Variants in GLG1 observed in about 807,000 individuals in gnomAD.
GLG1 encodes Golgi apparatus protein 1.
Under a neutral mutation model 160.5 loss-of-function variants are expected in GLG1, and 38 were observed. The observed-to-expected ratio is 0.24, with a 90% CI of 0.18 to 0.31. The LOEUF (loss-of-function observed/expected upper bound fraction) is 0.31. GLG1 is among the 10% of genes least tolerant of loss of function. GLG1 has a pLI of 1.00. For synonymous variants in GLG1, 644 were observed against 543.4 expected, an observed-to-expected ratio of 1.19 and a Z score of -2.57; for missense variants, 1,373 against 1,505.2, an observed-to-expected ratio of 0.91 and a Z score of 1.45.
Position 74,483,062 on chromosome 16 carries a change from C to T in GLG1, c.1634G>A (p.Arg545His), listed in dbSNP as rs1188189376. ...TEKMVEDCEHRLLELQYFISR... is the reference protein window; with the variant it reads ...TEKMVEDCEHHLLELQYFISR... ...GATGAAATACTGCAGCTCTAAGAGA[C>T]GGTGTTCACAGTCTTCTACCATCTT... is the stretch of plus-strand genomic sequence containing the variant. Residue 545 changes from arginine to histidine, a missense_variant, in exon 10 of 26, where the codon CGT becomes CAT. Physicochemically the swap from Arg to His is conservative, Grantham distance 29 (BLOSUM62 0). Coordinates refer to ENST00000422840, the MANE Select transcript of GLG1 (RefSeq NM_001145667.2). 3.1e-6 allele frequency: 5 copies of T among 1,609,898 alleles called. No homozygotes were observed. The South Asian group carries it at 3.3e-5, about 11-fold the overall frequency.
At chr16:74,591,715 G>C (rs1165428094) in intron 1 of GLG1, among the ~76,000 whole-genome samples, 1 of 152,112 alleles carries the variant, frequency 6.6e-6, no homozygotes, top group South Asian at 2.1e-4. Context: ...TAGTATCACA[G>C]ACTGTTTCAC....
intron 25 of GLG1, among the ~76,000 whole-genome samples, chr16:74,456,167 TG>T (rs2014529749): frequency 1.3e-5 from 2 of 152,198 alleles, no homozygotes; most frequent in African/African-American, 4.8e-5. Flanking sequence ...TTGCCATGGG[TG>T]TGACATCTCT....
intron 10 of GLG1, among the ~76,000 whole-genome samples, chr16:74,482,521 C>T (rs72791083): frequency 0.035 from 5,363 of 152,156 alleles, 147 homozygotes; most frequent in Non-Finnish European, 0.056. Context: ...TCCTCCCACC[C>T]CCACCGCTTT....
chr16:74,522,655 T>C (rs1460826626), intron 2 of GLG1, among the ~76,000 whole-genome samples: 1 of 152,226 alleles, frequency 6.6e-6, no homozygotes, highest in East Asian at 1.9e-4. Flanking sequence ...TTCCATGGTT[T>C]GCCAGTTCAT....
chr16:74,491,013 G>C lies in GLG1; in HGVS notation c.1437C>G (p.Asn479Lys), dbSNP rs769812522. 1 of 1,613,042 alleles carries C rather than the reference G, an allele frequency of 6.2e-7. No homozygotes were observed. Among genetic ancestry groups the C allele is most frequent in the East Asian group, 2.2e-5 (1 of 44,888 alleles). Residue 479 changes from asparagine (N) to lysine (K), a missense_variant, in exon 8 of 26, where the codon AAC becomes AAG. By Grantham distance (94) the Asn-to-Lys change is moderately conservative. Around this residue, in one of 4 missense-constraint regions of GLG1, gnomAD observed 386 missense variants for 388.5 expected, o/e 0.99. Transcript: ENST00000422840. ...VRGEKGNLGMNCQQALQTLIQ... is the reference protein window; with the variant it reads ...VRGEKGNLGMKCQQALQTLIQ... Reference sequence around the variant, plus strand: ...AATGTCTCCTTACCGCCTGCTGGCAGTTCATTCCAAGGTTCCCCTTCTCCC... The same window carrying C: ...AATGTCTCCTTACCGCCTGCTGGCACTTCATTCCAAGGTTCCCCTTCTCCC...
intron 4 of GLG1, among the ~76,000 whole-genome samples, chr16:74,497,785 A>G (rs1291013113): frequency 6.6e-6 from 1 of 152,110 alleles, no homozygotes; most frequent in South Asian, 2.1e-4. Flanking sequence ...ATAATCCACT[A>G]AGAAGTTAGA....
chr16:74,599,736 C>T (rs916266404), intron 1 of GLG1, among the ~76,000 whole-genome samples: 10 of 151,900 alleles, frequency 6.6e-5, no homozygotes, highest in African/African-American at 2.4e-4. Context: ...TGGTGGTGGG[C>T]GCCTGTAGTC....
At position 74,474,300 on chromosome 16, in the gene GLG1, G is replaced by A. The variant is rs1003710263; in HGVS notation, c.2052+246C>T. ...AAACAGAGGCAAGTCTAATGACTATGATAAACCTAATTTATGAAGAAAACC... is the reference window on the plus strand; with the variant it reads ...AAACAGAGGCAAGTCTAATGACTATAATAAACCTAATTTATGAAGAAAACC... On this transcript the variant is annotated intron_variant, in intron 13 of 25. Transcript: ENST00000422840. 1.9e-5 allele frequency: 8 copies of A among 419,594 alleles called. No homozygotes were observed. In the East Asian group the frequency reaches 3.0e-4, roughly 16 times the overall value. The allele number at this position is 419,594 out of a possible 1,614,324, so 26.0% of individuals were successfully genotyped here. A position where few individuals can be genotyped will look rare whatever the true frequency, so the allele number is the denominator to read the frequency against.
intron 1 of GLG1, among the ~76,000 whole-genome samples, chr16:74,545,049 C>T (rs1297490542): frequency 6.6e-6 from 1 of 150,562 alleles, no homozygotes; most frequent in Non-Finnish European, 1.5e-5. Flanking sequence ...TAGATTCTGG[C>T]TACAGGAAGG....
In GLG1 at chr16:74,509,456, C is replaced by A. The variant is rs114050088; in HGVS notation, c.472-531G>T. Among the ~76,000 whole-genome samples the A allele has an allele frequency of 3.0e-3, 458 of 152,112 alleles. 2 individuals are homozygous for A. The highest frequency in any genetic ancestry group is 0.017 in the Middle Eastern group (5 of 294). On this transcript the variant is annotated intron_variant, in intron 2 of 25. Coordinates refer to ENST00000422840, the MANE Select transcript of GLG1 (RefSeq NM_001145667.2). ...AGCTCAGATTTGGTGGATTCAGTCT[C>A]AGATCTCACAATCAACAGTGCTTTC...
intron 16 of GLG1, 160 bp from the exon 17 acceptor site, chr16:74,469,223 C>G: frequency 1.6e-6 from 1 of 608,262 alleles, no homozygotes; most frequent in South Asian, 2.0e-5. Flanking sequence ...GTGCTAAAAG[C>G]TGCAATTTGA....
At position 74,457,916 on chromosome 16, in the gene GLG1, T is replaced by C. The variant is rs775744242; in HGVS notation, c.3223A>G (p.Ile1075Val). ...PVLHTACALD[I>V]KHHCAAITPG... is the part of the protein sequence containing the mutation. ...GTGATGGCTGCGCAGTGGTGTTTAA[T>C]GTCCAGGGCACAAGCAGTATGAAGT... Residue 1075 changes from isoleucine to valine, a missense_variant, in exon 24 of 26, where the codon ATT becomes GTT. Around this residue, in one of 4 missense-constraint regions of GLG1, gnomAD observed 491 missense variants for 632.1 expected, o/e 0.78. Coordinates refer to ENST00000422840, the MANE Select transcript of GLG1 (RefSeq NM_001145667.2). 17 of 1,613,972 alleles carry C rather than the reference T, an allele frequency of 1.1e-5. No individual in the cohort carries two copies. Among genetic ancestry groups the C allele is most frequent in the South Asian group, 7.7e-5 (7 of 91,082 alleles).
chr16:74,577,404 C>G (rs1263903873), intron 1 of GLG1, among the ~76,000 whole-genome samples: 4 of 151,724 alleles, frequency 2.6e-5, no homozygotes, highest in African/African-American at 9.7e-5. Context: ...CACCTGTAAT[C>G]CCAGCTACTC....
At chr16:74,528,970 C>CTTTT (rs368741358) in intron 2 of GLG1, among the ~76,000 whole-genome samples, 1 of 139,244 alleles carries the variant, frequency 7.2e-6, no homozygotes, top group Non-Finnish European at 1.5e-5. Flanking sequence ...TTCTGTCTGC[C>CTTTT]TTTTTTTTTT....
chr16:74,476,633 G>C (rs1001702141), intron 12 of GLG1, among the ~76,000 whole-genome samples: 1 of 152,154 alleles, frequency 6.6e-6, no homozygotes, highest in Non-Finnish European at 1.5e-5. Context: ...AAGACAGCTA[G>C]CTTCCCACAT....
At position 74,449,323 on chromosome 16, in the gene GLG1, G is replaced by C. The variant is rs375137767; in HGVS notation, c.*3844C>G. 6.6e-6 allele frequency: 1 copy of C among 152,206 alleles called. No homozygotes were observed. Among genetic ancestry groups the C allele is most frequent in the African/African-American group, 2.4e-5 (1 of 41,430 alleles). The allele number at this position is 152,206 out of a possible 1,614,324, so 9.4% of individuals were successfully genotyped here. ...CTATAGTAGGAACTTCGGGGCAGAAGTCACACCACAGGCCTGGAGGATGGG... is the reference window on the plus strand; with the variant it reads ...CTATAGTAGGAACTTCGGGGCAGAACTCACACCACAGGCCTGGAGGATGGG... On this transcript the variant is annotated 3_prime_UTR_variant, in exon 26 of 26. Transcript: ENST00000422840.
chr16:74,535,790 C>G (rs142046160), intron 1 of GLG1, among the ~76,000 whole-genome samples: 2,804 of 151,940 alleles, frequency 0.018, 34 homozygotes, highest in Non-Finnish European at 0.027. Flanking sequence ...ATAGGAATGC[C>G]GTAAAAACAA....
At position 74,452,881 on chromosome 16, in the gene GLG1, A is replaced by C; in HGVS notation, c.*286T>G. On this transcript the variant is annotated 3_prime_UTR_variant, in exon 26 of 26. Coordinates refer to ENST00000422840, the MANE Select transcript of GLG1 (RefSeq NM_001145667.2). Reference sequence around the variant, plus strand: ...GGTGAGTTGGTTCTGGAAGTACCGGAAGTTCTGTTGGTATGAGAGAGACTT... The same window carrying C: ...GGTGAGTTGGTTCTGGAAGTACCGGCAGTTCTGTTGGTATGAGAGAGACTT... The C allele has an allele frequency of 9.0e-7, 1 of 1,115,358 alleles. No homozygotes were observed. Among genetic ancestry groups the C allele is most frequent in the African/African-American group, 1.6e-5 (1 of 61,808 alleles). The allele number at this position is 1,115,358 out of a possible 1,614,324, so 69.1% of individuals were successfully genotyped here.
At chr16:74,470,850 C>T (rs1265065946) in intron 15 of GLG1, among the ~76,000 whole-genome samples, 1 of 151,856 alleles carries the variant, frequency 6.6e-6, no homozygotes, top group South Asian at 2.1e-4. Flanking sequence ...CTCCGCCTCC[C>T]AGGTTCAAGC....
Sources: allele counts gnomAD v4.1 joint callset (sites outside exome capture counted in the v4.1 genomes callset), GRCh38; gene constraint gnomAD v4.1.1; regional missense constraint gnomAD v4.1.1; transcripts MANE v1.5; gene names NCBI Gene and HGNC (gene_info 2026-07-23, HGNC 2026-07-21).